Variants in ST7L observed in about 807,000 individuals in gnomAD.
ST7L encodes suppressor of tumorigenicity 7 protein-like.
In ST7L, 57 loss-of-function variants were observed where a neutral mutation model predicts 72.5. That is an observed-to-expected ratio of 0.79 (90% CI 0.64 to 0.98). ST7L has a LOEUF of 0.98. Among genes scored for constraint, ST7L ranks in the 50% least tolerant of loss-of-function variants. The pLI is 0.00. For synonymous variants in ST7L, 221 were observed against 240.9 expected (o/e 0.92, Z 0.77); for missense variants, 576 against 672.2 (o/e 0.86, Z 1.58).
At chr1:112,569,985 A>G (rs921755843) in intron 11 of ST7L, among the ~76,000 whole-genome samples, 2 of 149,148 alleles carry the variant, frequency 1.3e-5, no homozygotes, top group East Asian at 4.0e-4. Flanking sequence ...CAAAAAAACT[A>G]TGAAACCATT....
intron 2 of ST7L, among the ~76,000 whole-genome samples, chr1:112,613,637 T>C (rs1279476568): frequency 2.0e-5 from 3 of 152,244 alleles, no homozygotes; most frequent in African/African-American, 7.2e-5. Flanking sequence ...TAATACAGTT[T>C]AACCTTTAAA....
At chr1:112,605,088 CAAAAA>C (rs35373735) in intron 3 of ST7L, among the ~76,000 whole-genome samples, 4 of 61,288 alleles carry the variant, frequency 6.5e-5, no homozygotes, top group South Asian at 7.3e-4. Context: ...ACTCCGGCTC[CAAAAA>C]AAAAAAAAAA....
Position 112,555,976 on chromosome 1 carries a change from T to C in ST7L, c.1288A>G (p.Ile430Val), listed in dbSNP as rs116773361. The change falls in exon 12 of 15, where the codon ATT (isoleucine) becomes GTT (valine). Residue 430 changes from isoleucine to valine, a missense_variant. Physicochemically the swap from Ile to Val is conservative, Grantham distance 29. This residue lies in a region of ST7L where 511 missense variants were observed against 600.7 expected (regional missense o/e 0.85). Coordinates refer to ENST00000358039, the MANE Select transcript of ST7L (RefSeq NM_017744.5). The stretch of plus-strand genomic sequence containing the variant: ...GCTTCACTATCACCCCGTTTCAGAA[T>C]GTGTTCTGGAGGTAAAATTAAACTT... ...MKSLILPPEHILKRGDSEAIA... is the reference protein window; with the variant it reads ...MKSLILPPEHVLKRGDSEAIA... 3.5e-3 allele frequency: 5,655 copies of C among 1,611,570 alleles called. 20 individuals carry two copies. Among genetic ancestry groups the C allele is most frequent in the Non-Finnish European group, 3.9e-3 (4,621 of 1,178,514 alleles).
intron 4 of ST7L, among the ~76,000 whole-genome samples, chr1:112,599,059 C>CAAAAAA (rs761424885): frequency 0.019 from 98 of 5,188 alleles, 17 homozygotes; most frequent in African/African-American, 0.034. Flanking sequence ...GACTCAGCCT[C>CAAAAAA]AAAAAAAAAA....
At chr1:112,534,568 A>C (rs1188758669) in intron 14 of ST7L, among the ~76,000 whole-genome samples, 1 of 152,164 alleles carries the variant, frequency 6.6e-6, no homozygotes, top group Non-Finnish European at 1.5e-5. Context: ...AATTTAGTTC[A>C]TTTGATTGGT....
At chr1:112,548,200 C>CA (rs950175481) in intron 13 of ST7L, among the ~76,000 whole-genome samples, 5 of 151,504 alleles carry the variant, frequency 3.3e-5, no homozygotes, top group African/African-American at 1.2e-4. Flanking sequence ...ACTAAAAATA[C>CA]AAAAAAAATT....
At chr1:112,617,869 C>G (rs72699093) in intron 1 of ST7L, 5,793 of 543,268 alleles carry the variant, frequency 0.011, 46 homozygotes, top group Middle Eastern at 0.015. Context: ...GCATAGAAAC[C>G]ACCGTTAAGC....
chr1:112,611,057 C>T (rs1419148290), intron 2 of ST7L, 54 bp from the exon 3 acceptor site: 1 of 1,560,234 alleles, frequency 6.4e-7, no homozygotes, highest in African/African-American at 1.4e-5. Context: ...GATACATGAG[C>T]TCAAATTAAA....
intron 14 of ST7L, chr1:112,539,953 G>A: frequency 1.0e-6 from 1 of 985,276 alleles, no homozygotes. Context: ...AACTAGAAAA[G>A]CAGTATATCA....
intron 11 of ST7L, among the ~76,000 whole-genome samples, chr1:112,561,495 T>C (rs1394979362): frequency 6.6e-6 from 1 of 152,142 alleles, no homozygotes. Context: ...ACTTTTTTTT[T>C]TGGAGATGGA....
chr1:112,540,343 T>G, intron 14 of ST7L: 2 of 985,442 alleles, frequency 2.0e-6, no homozygotes, highest in Middle Eastern at 5.2e-4. Flanking sequence ...TTCTAGGCCA[T>G]TTTTATTCGA....
chr1:112,611,322 T>C (rs540942123), intron 2 of ST7L, among the ~76,000 whole-genome samples: 5 of 152,364 alleles, frequency 3.3e-5, no homozygotes, highest in Admixed American at 2.6e-4. Context: ...TTTTATTCTA[T>C]CTGCAGCATA....
downstream of ST7L, chr1:112,520,522 C>T (rs1159853731): frequency 6.2e-7 from 1 of 1,611,820 alleles, no homozygotes; most frequent in Non-Finnish European, 8.5e-7. Flanking sequence ...ACACAGATAC[C>T]TCACTCATCC....
In ST7L at chr1:112,578,265, T is replaced by C. The variant is rs909004543; in HGVS notation, c.1142+80A>G. ...GAAGGAAGTAGAGTGGAAAACAGCATTGTTTAAAGTCAGTAGAGGACAAGC... is the reference window on the plus strand; with the variant it reads ...GAAGGAAGTAGAGTGGAAAACAGCACTGTTTAAAGTCAGTAGAGGACAAGC... On this transcript the variant is annotated intron_variant, in intron 10 of 14. Coordinates refer to ENST00000358039, the MANE Select transcript of ST7L (RefSeq NM_017744.5). The C allele has an allele frequency of 3.1e-5, 40 of 1,305,610 alleles. 1 individual carries two copies. Among genetic ancestry groups the C allele is most frequent in the Middle Eastern group, 4.1e-4 (2 of 4,850 alleles). The allele number at this position is 1,305,610 out of a possible 1,614,324, so 80.9% of individuals were successfully genotyped here. A position where few individuals can be genotyped will look rare whatever the true frequency, so the allele number is the denominator to read the frequency against.
chr1:112,612,393 C>T (rs1365480684), intron 2 of ST7L, among the ~76,000 whole-genome samples: 4 of 152,050 alleles, frequency 2.6e-5, no homozygotes, highest in African/African-American at 4.8e-5. Flanking sequence ...CTACCATGAC[C>T]GGCCAGATTA....
At chr1:112,590,839 A>C (rs1337996904) in intron 6 of ST7L, among the ~76,000 whole-genome samples, 1 of 152,166 alleles carries the variant, frequency 6.6e-6, no homozygotes, top group Non-Finnish European at 1.5e-5. Flanking sequence ...GTCCATTAGC[A>C]ACTAAAGTAC....
intron 13 of ST7L, among the ~76,000 whole-genome samples, chr1:112,544,926 C>A (rs1026006553): frequency 4.6e-5 from 7 of 152,052 alleles, no homozygotes; most frequent in African/African-American, 1.7e-4. Flanking sequence ...TCCCTTGGAA[C>A]GAAAGTTCAA....
At position 112,528,752 on chromosome 1, in the gene ST7L, T is replaced by G. The variant is rs886951445; in HGVS notation, c.1630-2641A>C. 2.0e-5 allele frequency: 3 copies of G among 152,218 alleles called. No homozygotes were observed. In the East Asian group the frequency reaches 5.8e-4, roughly 29 times the overall value. The allele number at this position is 152,218 out of a possible 1,614,324, so 9.4% of individuals were successfully genotyped here. ...CTCACTCCCAAACTTAAAACTTGACTGGTCCTACATATTCTACTTGGTATA... is the reference window on the plus strand; with the variant it reads ...CTCACTCCCAAACTTAAAACTTGACGGGTCCTACATATTCTACTTGGTATA... On this transcript the variant is annotated intron_variant, in intron 14 of 14. Transcript: ENST00000358039.
chr1:112,610,914 T>G lies in ST7L; in HGVS notation c.378A>C (p.Thr126=). Residue 126 remains threonine, a synonymous_variant, in exon 3 of 15, where the codon ACA becomes ACC. Transcript: ENST00000358039. Reference sequence around the variant, plus strand: ...AACCTGGTTCTGAAATGCTGCTCTCTGTTCCTCCCATCAGTGGTTGCAAAT... The same window carrying G: ...AACCTGGTTCTGAAATGCTGCTCTCGGTTCCTCCCATCAGTGGTTGCAAAT... The part of the protein sequence containing the change: ...VSHLQPLMGG[T]ESSISEPGSP... 1 of 1,614,270 alleles carries G rather than the reference T, an allele frequency of 6.2e-7. No individual in the cohort carries two copies.
Sources: gnomAD v4.1 joint callset for allele counts (sites outside exome capture counted in the v4.1 genomes callset) on GRCh38, gnomAD v4.1.1 for gene constraint, gnomAD v4.1.1 regional missense constraint, MANE v1.5 for transcripts, NCBI Gene and HGNC (gene_info 2026-07-23, HGNC 2026-07-21) for gene names.